Variants in SPATA6 observed in about 807,000 individuals in gnomAD.
SPATA6 encodes spermatogenesis associated 6, also known as spermatogenesis-associated protein 6.
Under a neutral mutation model 65.3 loss-of-function variants are expected in SPATA6, and 56 were observed. The observed-to-expected ratio is 0.86, with a 90% CI of 0.69 to 1.07. The LOEUF is 1.07. Ranked by LOEUF, SPATA6 falls within the 50% of genes least tolerant of loss-of-function variation. The pLI, the probability that SPATA6 is intolerant of heterozygous loss-of-function variation, is 0.00. For missense variants in SPATA6, 590 were observed against 594.8 expected, an observed-to-expected ratio of 0.99 and a Z score of 0.08; for synonymous variants, 199 against 213.2, an observed-to-expected ratio of 0.93 and a Z score of 0.58.
intron 9 of SPATA6, among the ~76,000 whole-genome samples, chr1:48,382,324 C>T (rs1648746727): frequency 1.6e-5 from 1 of 63,936 alleles, no homozygotes; most frequent in African/African-American, 6.7e-5. Context: ...GGCGGCTGGC[C>T]GGGCGGGGGG....
At chr1:48,423,281 A>G (rs2148026684) in intron 3 of SPATA6, among the ~76,000 whole-genome samples, 1 of 151,862 alleles carries the variant, frequency 6.6e-6, no homozygotes, top group South Asian at 2.1e-4. Context: ...ACATGGAGAA[A>G]CCCCACCTCT....
the SPATA6 span, among the ~76,000 whole-genome samples, chr1:48,266,588 A>G: frequency 6.6e-6 from 1 of 152,232 alleles, no homozygotes; most frequent in East Asian, 1.9e-4. Context: ...AGTTTTTCCA[A>G]GGTTTTAAAT....
At chr1:48,323,119 C>T (rs1348907308) in intron 11 of SPATA6, among the ~76,000 whole-genome samples, 1 of 152,122 alleles carries the variant, frequency 6.6e-6, no homozygotes, top group South Asian at 2.1e-4. Flanking sequence ...GACACATGCA[C>T]ACATGTTTAC....
intron 8 of SPATA6, among the ~76,000 whole-genome samples, chr1:48,393,484 A>G (rs1356020465): frequency 6.6e-6 from 1 of 152,144 alleles, no homozygotes; most frequent in African/African-American, 2.4e-5. Flanking sequence ...GCTGAATGCT[A>G]TGTATGATGA....
intron 3 of SPATA6, among the ~76,000 whole-genome samples, chr1:48,417,814 C>T (rs578123935): frequency 5.3e-5 from 8 of 151,962 alleles, no homozygotes; most frequent in South Asian, 4.2e-4. Context: ...ACAGACAGAG[C>T]GAGACTCCAT....
intron 11 of SPATA6, among the ~76,000 whole-genome samples, chr1:48,337,649 TGTAG>T (rs1169839749): frequency 1.9e-4 from 29 of 152,056 alleles, no homozygotes; most frequent in Admixed American, 3.9e-4. Flanking sequence ...AATGCGTGAA[TGTAG>T]GTAGGTCAGT....
At chr1:48,466,214 A>T (rs1236690814) in intron 1 of SPATA6, among the ~76,000 whole-genome samples, 2 of 152,184 alleles carry the variant, frequency 1.3e-5, no homozygotes, top group Non-Finnish European at 2.9e-5. Flanking sequence ...TAAAAAGTCC[A>T]TTAAGAGAGG....
intron 9 of SPATA6, among the ~76,000 whole-genome samples, chr1:48,366,882 G>A (rs891849384): frequency 2.6e-5 from 4 of 152,058 alleles, no homozygotes; most frequent in Non-Finnish European, 5.9e-5. Context: ...TTTTAATTGT[G>A]ATGTTAGGGT....
At chr1:48,288,436 G>A in the SPATA6 span, among the ~76,000 whole-genome samples, 1 of 152,188 alleles carries the variant, frequency 6.6e-6, no homozygotes, top group Non-Finnish European at 1.5e-5. Context: ...GAAGACAGGT[G>A]ATGTCTGCAT....
At chr1:48,391,374 CA>C (rs532962472) in intron 8 of SPATA6, among the ~76,000 whole-genome samples, 103 of 135,252 alleles carry the variant, frequency 7.6e-4, no homozygotes, top group Middle Eastern at 3.7e-3. Flanking sequence ...GATCCTGTCT[CA>C]AAAAAAAAAA....
the SPATA6 span, among the ~76,000 whole-genome samples, chr1:48,266,108 A>C: frequency 1.3e-5 from 2 of 152,224 alleles, no homozygotes; most frequent in Non-Finnish European, 2.9e-5. Flanking sequence ...GTTAATAAGT[A>C]GGTGAACTAA....
chr1:48,385,479 G>T, intron 8 of SPATA6, 130 bp from the exon 9 acceptor site: 1 of 662,834 alleles, frequency 1.5e-6, no homozygotes, highest in Non-Finnish European at 2.4e-6. Flanking sequence ...CTTCAACAGT[G>T]TTACATCAGA....
rs546980813 is a variant in SPATA6, at chr1:48,295,904, C to CCCT, written c.*2806_*2808dup. ...ATGTCAAAGGATCATTCTAAATTAA[C>CCCT]CCTTTTATCACCTTGTTGGTGAGAA... is the stretch of plus-strand genomic sequence containing the variant. On this transcript the variant is annotated 3_prime_UTR_variant, in exon 13 of 13. Transcript: ENST00000371847. 3.2e-4 allele frequency: 49 copies of CCCT among 152,108 alleles called. No individual in the cohort carries two copies. In the East Asian group the frequency reaches 7.3e-3, roughly 23 times the overall value. The allele number at this position is 152,108 out of a possible 1,614,324, so 9.4% of individuals were successfully genotyped here. A position where few individuals can be genotyped will look rare whatever the true frequency, so the allele number is the denominator to read the frequency against.
At chr1:48,332,694 A>AAG (rs1184911771) in intron 11 of SPATA6, among the ~76,000 whole-genome samples, 1 of 152,220 alleles carries the variant, frequency 6.6e-6, no homozygotes, top group Non-Finnish European at 1.5e-5. Context: ...GAAGAGATGC[A>AAG]GGACCTGAAC....
chr1:48,369,655 T>C (rs1647168596), intron 9 of SPATA6, among the ~76,000 whole-genome samples: 1 of 152,198 alleles, frequency 6.6e-6, no homozygotes, highest in Non-Finnish European at 1.5e-5. Context: ...GTGGGAGTGA[T>C]TGGATTTTCC....
chr1:48,356,047 T>C (rs1646650779), intron 10 of SPATA6, among the ~76,000 whole-genome samples: 2 of 152,112 alleles, frequency 1.3e-5, no homozygotes, highest in Non-Finnish European at 2.9e-5. Context: ...TCAAACTGTG[T>C]GAAAAAATTC....
the SPATA6 span, among the ~76,000 whole-genome samples, chr1:48,279,859 C>T: frequency 2.0e-5 from 3 of 152,118 alleles, no homozygotes; most frequent in African/African-American, 7.2e-5. Flanking sequence ...AACTCTCCAC[C>T]CCAAATCAAC....
At chr1:48,399,738 CA>C in intron 6 of SPATA6, 94 bp from the exon 7 acceptor site, 1 of 1,146,978 alleles carries the variant, frequency 8.7e-7, no homozygotes, top group Non-Finnish European at 1.2e-6. Context: ...AAATAAGACG[CA>C]AAATCTATCA....
intron 1 of SPATA6, among the ~76,000 whole-genome samples, chr1:48,463,281 A>G (rs1169632962): frequency 6.6e-6 from 1 of 152,128 alleles, no homozygotes; most frequent in Non-Finnish European, 1.5e-5. Flanking sequence ...CATGACCCCA[A>G]TGCAATTCAT....
Sources: gnomAD v4.1 joint callset for allele counts (sites outside exome capture counted in the v4.1 genomes callset) on GRCh38, gnomAD v4.1.1 for gene constraint, MANE v1.5 for transcripts, NCBI Gene and HGNC (gene_info 2026-07-23, HGNC 2026-07-21) for gene names.